HCRTR2: variants seen among roughly 807,000 people sequenced by gnomAD.
HCRTR2 encodes the protein orexin receptor type 2.
A neutral mutation model predicts 49.0 loss-of-function variants in HCRTR2; 22 were observed. That is an observed-to-expected ratio of 0.45 (90% CI 0.32 to 0.64). The LOEUF (loss-of-function observed/expected upper bound fraction) is 0.64. Among genes scored for constraint, HCRTR2 ranks in the 30% least tolerant of loss-of-function variants. The probability of loss-of-function intolerance (pLI) is 0.04; values close to 1 mark genes in which losing one functional copy is unlikely to be tolerated. For missense variants in HCRTR2, 491 were observed against 559.4 expected, an observed-to-expected ratio of 0.88 and a Z score of 1.23; for synonymous variants, 236 against 205.3, an observed-to-expected ratio of 1.15 and a Z score of -1.28.
At chr6:55,191,872 G>A (rs1394023353) in intron 1 of HCRTR2, among the ~76,000 whole-genome samples, 1 of 151,996 alleles carries the variant, frequency 6.6e-6, no homozygotes, top group Admixed American at 6.6e-5. Context: ...CAGACATATG[G>A]TTACCTATCT....
At chr6:55,253,277 A>G (rs114929324) in intron 2 of HCRTR2, among the ~76,000 whole-genome samples, 96 of 152,192 alleles carry the variant, frequency 6.3e-4, no homozygotes, top group African/African-American at 2.3e-3. Flanking sequence ...GTGACTCAAT[A>G]GTGTGCAGCT....
intron 1 of HCRTR2, among the ~76,000 whole-genome samples, chr6:55,180,556 T>C (rs1765113707): frequency 6.8e-6 from 1 of 146,596 alleles, no homozygotes; most frequent in Non-Finnish European, 1.5e-5. Context: ...CTGCCAAAAA[T>C]GCTTTTACCT....
intron 1 of HCRTR2, among the ~76,000 whole-genome samples, chr6:55,247,617 T>C (rs536546086): frequency 5.3e-5 from 8 of 152,198 alleles, no homozygotes; most frequent in African/African-American, 1.9e-4. Flanking sequence ...GATGGCAGCG[T>C]GTACACCTAT....
At chr6:55,276,667 G>A (rs184947359) in intron 4 of HCRTR2, among the ~76,000 whole-genome samples, 1 of 152,234 alleles carries the variant, frequency 6.6e-6, no homozygotes, top group Admixed American at 6.5e-5. Context: ...GAAAAGAAAT[G>A]GAAAAGTACA....
At chr6:55,106,736 G>A (rs1157254680) in intron 1 of HCRTR2, among the ~76,000 whole-genome samples, 10 of 152,024 alleles carry the variant, frequency 6.6e-5, no homozygotes, top group African/African-American at 4.8e-5. Context: ...TACAGATTCC[G>A]TTTTCTCAGA....
At chr6:55,232,113 A>G (rs1374585423) in intron 1 of HCRTR2, among the ~76,000 whole-genome samples, 2 of 152,158 alleles carry the variant, frequency 1.3e-5, no homozygotes, top group Non-Finnish European at 2.9e-5. Flanking sequence ...TTCAACCTGT[A>G]ATTAAAAACT....
chr6:55,258,325 T>C (rs756341992), intron 3 of HCRTR2, among the ~76,000 whole-genome samples: 2 of 152,148 alleles, frequency 1.3e-5, no homozygotes, highest in Admixed American at 6.6e-5. Flanking sequence ...ACAACCAATG[T>C]GGCAGTGGAA....
intron 4 of HCRTR2, among the ~76,000 whole-genome samples, chr6:55,268,735 G>A (rs1044576121): frequency 1.3e-5 from 2 of 152,112 alleles, no homozygotes; most frequent in African/African-American, 4.8e-5. Flanking sequence ...GTAGAATTAA[G>A]GAGACAAGTA....
At chr6:55,195,596 C>T (rs899401430) in intron 1 of HCRTR2, among the ~76,000 whole-genome samples, 3 of 152,110 alleles carry the variant, frequency 2.0e-5, no homozygotes, top group African/African-American at 7.2e-5. Flanking sequence ...ATGTTGCTAA[C>T]ACAAAGAAAT....
At chr6:55,215,215 T>G (rs1288262752) in intron 1 of HCRTR2, among the ~76,000 whole-genome samples, 1 of 152,132 alleles carries the variant, frequency 6.6e-6, no homozygotes, top group Non-Finnish European at 1.5e-5. Flanking sequence ...ACACAAGGGC[T>G]GTCATGAGAA....
chr6:55,220,676 CTCA>C (rs1188135421), intron 1 of HCRTR2, among the ~76,000 whole-genome samples: 1 of 152,138 alleles, frequency 6.6e-6, no homozygotes, highest in Non-Finnish European at 1.5e-5. Flanking sequence ...CTTGCCATTT[CTCA>C]TCAACGTATT....
At chr6:55,250,223 CG>C (rs1326333594) in intron 2 of HCRTR2, among the ~76,000 whole-genome samples, 1 of 151,932 alleles carries the variant, frequency 6.6e-6, no homozygotes, top group East Asian at 1.9e-4. Flanking sequence ...GATTACAAAA[CG>C]AACAGTAGCA....
At chr6:55,207,521 A>T (rs1765622151) in intron 1 of HCRTR2, among the ~76,000 whole-genome samples, 1 of 152,214 alleles carries the variant, frequency 6.6e-6, no homozygotes, top group Admixed American at 6.5e-5. Context: ...GGTTATGAGC[A>T]TATAGGATAC....
chr6:55,216,826 C>A (rs1400190732), intron 1 of HCRTR2, among the ~76,000 whole-genome samples: 3 of 152,196 alleles, frequency 2.0e-5, no homozygotes, highest in Non-Finnish European at 2.9e-5. Context: ...CGTATTTTTA[C>A]TCAACATTGC....
intron 1 of HCRTR2, among the ~76,000 whole-genome samples, chr6:55,241,323 T>C (rs1176351532): frequency 6.6e-6 from 1 of 152,156 alleles, no homozygotes. Flanking sequence ...TACTCAGTTC[T>C]ACATTATAAA....
At chr6:55,201,868 T>G (rs1216642277) in intron 1 of HCRTR2, among the ~76,000 whole-genome samples, 1 of 152,218 alleles carries the variant, frequency 6.6e-6, no homozygotes, top group Non-Finnish European at 1.5e-5. Flanking sequence ...GCATATACTA[T>G]TAACAGCTAC....
chr6:55,109,558 T>A (rs928085039), intron 1 of HCRTR2, among the ~76,000 whole-genome samples: 1 of 152,032 alleles, frequency 6.6e-6, no homozygotes, highest in African/African-American at 2.4e-5. Context: ...AAGGACACAC[T>A]TGTAGACATG....
At chr6:55,205,220 T>C (rs1477945972) in intron 1 of HCRTR2, among the ~76,000 whole-genome samples, 3 of 152,208 alleles carry the variant, frequency 2.0e-5, no homozygotes, top group Admixed American at 1.3e-4. Flanking sequence ...ACATACTTGG[T>C]ATCTAAAGCT....
chr6:55,195,608 A>T (rs1223970023), intron 1 of HCRTR2, among the ~76,000 whole-genome samples: 1 of 152,204 alleles, frequency 6.6e-6, no homozygotes, highest in Non-Finnish European at 1.5e-5. Flanking sequence ...CAAAGAAATG[A>T]TAAATTCTTG....
Sources: allele counts gnomAD v4.1 joint callset (sites outside exome capture counted in the v4.1 genomes callset), GRCh38; gene constraint gnomAD v4.1.1; transcripts MANE v1.5; gene names NCBI Gene and HGNC (gene_info 2026-07-23, HGNC 2026-07-21).